Variants in IFTAP observed in about 807,000 individuals in gnomAD.
IFTAP encodes intraflagellar transport associated protein, also known as intraflagellar transport-associated protein.
Under a neutral mutation model 19.4 loss-of-function variants are expected in IFTAP, and 19 were observed. The ratio of observed to expected loss-of-function variants is 0.98; its 90% CI spans 0.68 to 1.44. IFTAP has a LOEUF of 1.44. Among genes scored for constraint, IFTAP ranks in the 40% most tolerant of loss-of-function variants. The pLI, the probability that IFTAP is intolerant of heterozygous loss-of-function variation, is 0.00. For missense variants in IFTAP, 240 were observed against 253.6 expected (o/e 0.95, Z 0.36); for synonymous variants, 85 against 83.5 (o/e 1.02, Z -0.10).
chr11:36,642,838 G>A (rs1401626430), intron 4 of IFTAP, among the ~76,000 whole-genome samples: 1 of 152,118 alleles, frequency 6.6e-6, no homozygotes. Flanking sequence ...CAATAAATTA[G>A]GTATTGATGG....
intron 5 of IFTAP, among the ~76,000 whole-genome samples, chr11:36,649,692 T>G (rs1201830750): frequency 6.6e-6 from 1 of 152,140 alleles, no homozygotes; most frequent in African/African-American, 2.4e-5. Flanking sequence ...TGGTGGTATA[T>G]TTAAGAGGAA....
chr11:36,606,084 A>G (rs889729904), intron 1 of IFTAP, among the ~76,000 whole-genome samples: 16 of 152,218 alleles, frequency 1.1e-4, no homozygotes, highest in Admixed American at 4.6e-4. Context: ...TAGAAAAGGC[A>G]AGTTCTAAAT....
chr11:36,613,300 GA>G (rs1317169739), intron 2 of IFTAP, among the ~76,000 whole-genome samples: 1 of 151,500 alleles, frequency 6.6e-6, no homozygotes, highest in Non-Finnish European at 1.5e-5. Flanking sequence ...TGTTTAAAAG[GA>G]AAAAAAGGCT....
chr11:36,643,893 C>A (rs191936245), intron 4 of IFTAP, among the ~76,000 whole-genome samples: 2,052 of 152,262 alleles, frequency 0.013, 23 homozygotes, highest in Admixed American at 0.02. Context: ...ACCATAAAAA[C>A]CCTAGAAGAA....
intron 5 of IFTAP, among the ~76,000 whole-genome samples, chr11:36,649,054 C>T (rs1853603627): frequency 6.6e-6 from 1 of 152,122 alleles, no homozygotes; most frequent in Non-Finnish European, 1.5e-5. Context: ...TACTGGAACA[C>T]AAAGCAGGAT....
chr11:36,595,073 A>T (rs1460395630), intron 1 of IFTAP: 1 of 152,174 alleles, frequency 6.6e-6, no homozygotes, highest in Non-Finnish European at 1.5e-5. Flanking sequence ...AAATACAGTT[A>T]TTAGGTTTTA....
chr11:36,611,139 A>G (rs2133379618), intron 2 of IFTAP, among the ~76,000 whole-genome samples: 1 of 152,174 alleles, frequency 6.6e-6, no homozygotes, highest in East Asian at 1.9e-4. Flanking sequence ...TAAAAATGTG[A>G]GCTTACATTG....
At chr11:36,633,555 T>C in intron 3 of IFTAP, 117 bp downstream of exon 3, 1 of 786,744 alleles carries the variant, frequency 1.3e-6, no homozygotes, top group Non-Finnish European at 1.8e-6. Context: ...AATTCCTAAT[T>C]CTAGAAGGAG....
At chr11:36,614,522 T>G (rs1047155348) in intron 2 of IFTAP, among the ~76,000 whole-genome samples, 11 of 148,946 alleles carry the variant, frequency 7.4e-5, no homozygotes, top group Non-Finnish European at 1.3e-4. Flanking sequence ...TGAACTAGTT[T>G]ACAGTCCCAC....
intron 5 of IFTAP, among the ~76,000 whole-genome samples, chr11:36,655,030 T>G (rs966769599): frequency 1.3e-5 from 2 of 152,188 alleles, no homozygotes; most frequent in Admixed American, 6.6e-5. Flanking sequence ...TAATAAAAAT[T>G]TAATGGATGA....
At chr11:36,608,615 G>T (rs1240072680) in intron 1 of IFTAP, among the ~76,000 whole-genome samples, 2 of 152,038 alleles carry the variant, frequency 1.3e-5, no homozygotes, top group Admixed American at 6.5e-5. Context: ...TTGAGGCATT[G>T]TGTCTTAGCT....
chr11:36,599,096 C>T (rs999385835), intron 1 of IFTAP, among the ~76,000 whole-genome samples: 8 of 152,086 alleles, frequency 5.3e-5, no homozygotes, highest in Non-Finnish European at 7.4e-5. Flanking sequence ...CAGGTTCAAG[C>T]GATTCTCCTA....
At chr11:36,637,485 T>A (rs970384448) in intron 4 of IFTAP, among the ~76,000 whole-genome samples, 1 of 152,138 alleles carries the variant, frequency 6.6e-6, no homozygotes, top group Non-Finnish European at 1.5e-5. Context: ...AAGGGAGAGC[T>A]AAGGACTTGT....
intron 2 of IFTAP, among the ~76,000 whole-genome samples, chr11:36,627,005 AT>A (rs1852540684): frequency 1.3e-5 from 2 of 151,282 alleles, no homozygotes; most frequent in South Asian, 4.2e-4. Context: ...ACGGACTATT[AT>A]TTGACAATAA....
At chr11:36,634,139 A>G (rs1852843793) in intron 3 of IFTAP, among the ~76,000 whole-genome samples, 1 of 152,070 alleles carries the variant, frequency 6.6e-6, no homozygotes, top group South Asian at 2.1e-4. Flanking sequence ...GCTTCCAGAG[A>G]GATAATTGTG....
intron 4 of IFTAP, among the ~76,000 whole-genome samples, chr11:36,639,216 A>T (rs1007247880): frequency 4.0e-5 from 6 of 150,710 alleles, no homozygotes; most frequent in African/African-American, 1.5e-4. Context: ...GGCCCAGCCC[A>T]ACCTCTTTTC....
At chr11:36,628,162 T>C (rs1342494384) in intron 2 of IFTAP, among the ~76,000 whole-genome samples, 1 of 151,056 alleles carries the variant, frequency 6.6e-6, no homozygotes, top group Non-Finnish European at 1.5e-5. Flanking sequence ...AGCACAGCTC[T>C]AATTGTGACT....
chr11:36,600,250 T>C (rs1458023616), intron 1 of IFTAP, among the ~76,000 whole-genome samples: 3 of 152,132 alleles, frequency 2.0e-5, no homozygotes, highest in Non-Finnish European at 4.4e-5. Context: ...AGAAAAAAAA[T>C]CAGACACAGG....
At chr11:36,623,990 TG>T (rs1852407734) in intron 2 of IFTAP, among the ~76,000 whole-genome samples, 2 of 149,312 alleles carry the variant, frequency 1.3e-5, no homozygotes, top group Non-Finnish European at 3.0e-5. Flanking sequence ...TGTATATATA[TG>T]TGTGTATATA....
Sources: allele counts gnomAD v4.1 joint callset (sites outside exome capture counted in the v4.1 genomes callset), GRCh38; gene constraint gnomAD v4.1.1; transcripts MANE v1.5; gene names NCBI Gene and HGNC (gene_info 2026-07-23, HGNC 2026-07-21).